The following ZC3H12B variants were observed in gnomAD, a reference collection of about 807,000 sequenced individuals.
The protein encoded by ZC3H12B is probable ribonuclease ZC3H12B.
In ZC3H12B, 7 loss-of-function variants were observed where a neutral mutation model predicts 43.9. That is an observed-to-expected ratio of 0.16 (90% CI 0.09 to 0.30). The LOEUF is 0.30. Among genes scored for constraint, ZC3H12B ranks in the 10% least tolerant of loss-of-function variants. ZC3H12B has a pLI of 1.00. For missense variants in ZC3H12B, 475 were observed against 670.2 expected, an observed-to-expected ratio of 0.71 and a Z score of 3.22; for synonymous variants, 222 against 241.7, an observed-to-expected ratio of 0.92 and a Z score of 0.76.
chrX:65,132,857 T>C, the ZC3H12B span, among the ~76,000 whole-genome samples: 1 of 110,824 alleles, frequency 9.0e-6, no homozygotes, highest in Non-Finnish European at 1.9e-5. Flanking sequence ...AAAGTGTCTG[T>C]GATGGTCTAG....
chrX:65,263,751 G>A, the ZC3H12B span, among the ~76,000 whole-genome samples: 4 of 111,316 alleles, frequency 3.6e-5, no homozygotes, highest in Non-Finnish European at 5.7e-5. Flanking sequence ...AAAACATTGT[G>A]CAGATTCCTT....
At chrX:65,185,200 G>C in the ZC3H12B span, 7 of 111,531 alleles carry the variant, frequency 6.3e-5, no homozygotes, top group East Asian at 1.4e-3. Context: ...TATACAATCT[G>C]TTCACCTATT....
the ZC3H12B span, among the ~76,000 whole-genome samples, chrX:65,122,434 C>T: frequency 6.6e-4 from 73 of 111,204 alleles, no homozygotes; most frequent in African/African-American, 2.2e-3. Flanking sequence ...AAAAACATGC[C>T]AAATTGTAAA....
At chrX:65,465,058 G>A (rs1262765118) in intron 3 of ZC3H12B, among the ~76,000 whole-genome samples, 1 of 111,019 alleles carries the variant, frequency 9.0e-6, no homozygotes, top group Admixed American at 9.7e-5. Flanking sequence ...ATGTATTTGA[G>A]GAGTATGAGC....
chrX:65,386,843 G>A (rs767098453), intron 2 of ZC3H12B, among the ~76,000 whole-genome samples: 1 of 111,268 alleles, frequency 9.0e-6, no homozygotes, highest in Non-Finnish European at 1.9e-5. Context: ...CTGGTATGTT[G>A]TGTCTTTGTT....
chrX:65,130,714 G>A, the ZC3H12B span, among the ~76,000 whole-genome samples: 373 of 112,172 alleles, frequency 3.3e-3, no homozygotes, highest in Non-Finnish European at 5.6e-3. Context: ...TGTGAGGCTG[G>A]AAGGAGATAT....
At chrX:65,090,509 A>G in the ZC3H12B span, among the ~76,000 whole-genome samples, 1 of 111,545 alleles carries the variant, frequency 9.0e-6, no homozygotes, top group African/African-American at 3.3e-5. Flanking sequence ...TTTCTTCCCT[A>G]CTCTGAACAT....
In ZC3H12B at chrX:65,457,243, C is replaced by T. The variant is rs867678456; in HGVS notation, n.408-31403C>T. Among the ~76,000 whole-genome samples the T allele has an allele frequency of 4.8e-3, 118 of 24,457 alleles. 1 individual carries two copies. The highest frequency in any genetic ancestry group is 0.021 in the African/African-American group (112 of 5,351). 21.2% of individuals were successfully genotyped at this position (24,457 alleles called of 115,157 possible). A position where few individuals can be genotyped will look rare whatever the true frequency, so the allele number is the denominator to read the frequency against. ...CTGAGAAGTGAGGAGCCCCTCCGTC[C>T]GGCAGCCACCCCGTCTGGGAAGTGA... On this transcript the variant is annotated intron_variant and non_coding_transcript_variant, in intron 3 of 5. Coordinates refer to the ZC3H12B transcript ENST00000617377.
At chrX:65,322,860 A>C in the ZC3H12B span, among the ~76,000 whole-genome samples, 1 of 111,680 alleles carries the variant, frequency 9.0e-6, no homozygotes, top group African/African-American at 3.2e-5. Flanking sequence ...AATTCTTCCA[A>C]TCCATAAACA....
chrX:65,130,613 T>A, the ZC3H12B span, among the ~76,000 whole-genome samples: 2 of 111,386 alleles, frequency 1.8e-5, no homozygotes, highest in African/African-American at 3.3e-5. Flanking sequence ...ATTTCTACAA[T>A]GGAAAGGAAA....
chrX:65,269,932 T>A, the ZC3H12B span, among the ~76,000 whole-genome samples: 23 of 111,994 alleles, frequency 2.1e-4, no homozygotes, highest in African/African-American at 6.5e-4. Context: ...ATAGTAAGAA[T>A]GAATATTATT....
intron 3 of ZC3H12B, among the ~76,000 whole-genome samples, chrX:65,441,254 G>A (rs766151212): frequency 8.9e-6 from 1 of 111,755 alleles, no homozygotes; most frequent in Admixed American, 9.5e-5. Context: ...CCCTCCCAAT[G>A]CAAAATATAA....
chrX:65,345,222 T>C, the ZC3H12B span, among the ~76,000 whole-genome samples: 5 of 112,080 alleles, frequency 4.5e-5, no homozygotes, highest in Non-Finnish European at 7.5e-5. Flanking sequence ...ATGTAAGTCA[T>C]TGTATCATAA....
At chrX:65,502,589 G>A (rs765454587) in exon 5 of ZC3H12B, 3 of 1,208,237 alleles carry the variant, frequency 2.5e-6, no homozygotes, top group African/African-American at 3.5e-5. Context: ...TTTTCCTCAT[G>A]GTTACCATGA....
At chrX:65,051,974 A>G in the ZC3H12B span, among the ~76,000 whole-genome samples, 3 of 110,728 alleles carry the variant, frequency 2.7e-5, no homozygotes, top group Non-Finnish European at 5.7e-5. Flanking sequence ...CTCAAAGACC[A>G]GTTTTTTTAA....
chrX:65,344,110 A>G, the ZC3H12B span, among the ~76,000 whole-genome samples: 1 of 112,288 alleles, frequency 8.9e-6, no homozygotes, highest in Admixed American at 9.5e-5. Flanking sequence ...ATATCTAGGA[A>G]TACTGCTAAC....
the ZC3H12B span, among the ~76,000 whole-genome samples, chrX:65,192,249 G>T: frequency 9.0e-6 from 1 of 111,078 alleles, no homozygotes; most frequent in African/African-American, 3.3e-5. Context: ...AATAGGTGTG[G>T]TGTGGTGCTG....
intron 3 of ZC3H12B, among the ~76,000 whole-genome samples, chrX:65,458,106 CAAAG>C (rs1438800599): frequency 4.7e-5 from 2 of 42,687 alleles, no homozygotes; most frequent in Non-Finnish European, 9.3e-5. Flanking sequence ...AAAAAAGAGA[CAAAG>C]AAGGCCATTA....
At chrX:65,254,437 T>C in the ZC3H12B span, among the ~76,000 whole-genome samples, 1 of 112,449 alleles carries the variant, frequency 8.9e-6, no homozygotes, top group African/African-American at 3.2e-5. Flanking sequence ...AGCACAACAG[T>C]GTTGAGCTGA....
Sources: gnomAD v4.1 joint callset for allele counts (sites outside exome capture counted in the v4.1 genomes callset) on GRCh38, gnomAD v4.1.1 for gene constraint, MANE v1.5 for transcripts, NCBI Gene and HGNC (gene_info 2026-07-23, HGNC 2026-07-21) for gene names.